The following USH2A variants were observed in gnomAD, a reference collection of about 807,000 sequenced individuals.
USH2A encodes usherin.
In USH2A, 443 loss-of-function variants were observed where a neutral mutation model predicts 538.9. That is an observed-to-expected ratio of 0.82 (90% CI 0.76 to 0.89). USH2A has a LOEUF of 0.89. Ranked by LOEUF, USH2A falls within the 40% of genes least tolerant of loss-of-function variation. USH2A has a pLI of 0.00. For missense variants in USH2A, 6,633 were observed against 6,324.8 expected, an observed-to-expected ratio of 1.05 and a Z score of -1.65; for synonymous variants, 2,413 against 2,273.5, an observed-to-expected ratio of 1.06 and a Z score of -1.75.
At chr1:216,201,782 C>A in intron 16 of USH2A, 2 of 232,436 alleles carry the variant, frequency 8.6e-6, no homozygotes, top group African/African-American at 2.3e-5. Context: ...AGTTCTCTCT[C>A]TGGTGGCTGT....
In USH2A at chr1:216,322,139, C is replaced by T. The variant is rs184096593; in HGVS notation, c.1551-163G>A. 1.0e-3 allele frequency among the ~76,000 whole-genome samples: 154 copies of T among 152,174 alleles called. 1 individual carries two copies. The highest frequency in any genetic ancestry group is 3.6e-3 in the African/African-American group (148 of 41,516). On this transcript the variant is annotated intron_variant, in intron 8 of 71. Coordinates refer to ENST00000307340, the MANE Select transcript of USH2A (RefSeq NM_206933.4). ...CCTTAATCGTGTGGATATCCATACA[C>T]GTTTTTAATTTATCTGGAAATGTCA...
At chr1:216,289,177 T>A in intron 11 of USH2A, 103 bp downstream of exon 11, 1 of 1,551,936 alleles carries the variant, frequency 6.4e-7, no homozygotes, top group Non-Finnish European at 8.9e-7. Flanking sequence ...ACATAGAGGA[T>A]TTCCTGGCAA....
At chr1:216,072,701 G>T in intron 29 of USH2A, 188 bp downstream of exon 29, 1 of 633,200 alleles carries the variant, frequency 1.6e-6, no homozygotes, top group Non-Finnish European at 2.8e-6. Flanking sequence ...GTGAATTCTT[G>T]GTAAATGAAA....
intron 22 of USH2A, among the ~76,000 whole-genome samples, chr1:216,094,978 G>A (rs1174946625): frequency 7.2e-6 from 1 of 139,088 alleles, no homozygotes; most frequent in African/African-American, 3.4e-5. Context: ...GTGTGTGTGT[G>A]TATAGGCATA....
chr1:216,396,881 C>A (rs1170775252), intron 3 of USH2A, among the ~76,000 whole-genome samples: 2 of 152,194 alleles, frequency 1.3e-5, no homozygotes, highest in African/African-American at 2.4e-5. Flanking sequence ...ATTGTATTAT[C>A]TCCGCCAGCT....
chr1:215,743,412 G>GTC, intron 58 of USH2A, 77 bp from the exon 59 acceptor site: 3 of 433,586 alleles, frequency 6.9e-6, no homozygotes, highest in Admixed American at 5.2e-5. Flanking sequence ...GTGTGTGTGT[G>GTC]TGTGTATATA....
At chr1:215,809,031 A>T (rs569568342) in intron 49 of USH2A, among the ~76,000 whole-genome samples, 2 of 152,268 alleles carry the variant, frequency 1.3e-5, no homozygotes, top group Non-Finnish European at 2.9e-5. Flanking sequence ...GGTATCTCTA[A>T]GAAAAAGGGA....
chr1:216,247,519 C>A (rs1381119508), intron 12 of USH2A, among the ~76,000 whole-genome samples: 1 of 152,108 alleles, frequency 6.6e-6, no homozygotes, highest in African/African-American at 2.4e-5. Context: ...CTCTTTTTCT[C>A]TTTAACAAAT....
chr1:216,041,718 C>A (rs918817939), intron 32 of USH2A, among the ~76,000 whole-genome samples: 1 of 151,742 alleles, frequency 6.6e-6, no homozygotes, highest in Non-Finnish European at 1.5e-5. Flanking sequence ...TATTCCTTAC[C>A]CCAATTAAAT....
chr1:216,030,134 CAG>C (rs1669069276), intron 32 of USH2A, among the ~76,000 whole-genome samples: 2 of 138,646 alleles, frequency 1.4e-5, no homozygotes, highest in Non-Finnish European at 3.0e-5. Flanking sequence ...ATATACATAA[CAG>C]ATATATAATA....
Position 216,018,000 on chromosome 1 carries a change from A to AAAT in USH2A, c.6326-17441_6326-17439dup, listed in dbSNP as rs200913822. 9.2e-3 allele frequency among the ~76,000 whole-genome samples: 1,400 copies of AAAT among 152,300 alleles called. 7 individuals carry two copies. Among genetic ancestry groups the AAAT allele is most frequent in the Non-Finnish European group, 0.013 (852 of 68,024 alleles). On this transcript the variant is annotated intron_variant, in intron 32 of 71. Transcript: ENST00000307340. ...TAGTCTCATGCTACCCTTAAGACAC[A>AAAT]AATCAAATGCCACACCCTATAAGAA...
chr1:215,791,363 T>C (rs538319643), intron 50 of USH2A, among the ~76,000 whole-genome samples: 2 of 152,340 alleles, frequency 1.3e-5, no homozygotes, highest in South Asian at 4.1e-4. Context: ...GGGTCCTGAA[T>C]TGTTTAATCT....
chr1:216,206,215 T>C (rs1572049987), intron 16 of USH2A, among the ~76,000 whole-genome samples: 1 of 152,324 alleles, frequency 6.6e-6, no homozygotes, highest in Admixed American at 6.5e-5. Context: ...GATCTATTTA[T>C]TATGTCTTCC....
At chr1:215,997,173 C>G (rs961646666) in intron 34 of USH2A, among the ~76,000 whole-genome samples, 27 of 151,998 alleles carry the variant, frequency 1.8e-4, no homozygotes, top group African/African-American at 6.5e-4. Context: ...AAGTAAAAAC[C>G]CTGTTAGTTG....
At chr1:215,711,259 A>G (rs1208036074) in intron 61 of USH2A, among the ~76,000 whole-genome samples, 1 of 152,206 alleles carries the variant, frequency 6.6e-6, no homozygotes, top group Non-Finnish European at 1.5e-5. Context: ...CATAAGATCA[A>G]GTCAATTTAC....
chr1:215,700,006 T>C (rs1200187653), intron 61 of USH2A, among the ~76,000 whole-genome samples: 1 of 152,212 alleles, frequency 6.6e-6, no homozygotes, highest in Non-Finnish European at 1.5e-5. Flanking sequence ...ATTGAGTGGT[T>C]TTAGCATGAA....
chr1:215,649,999 C>G (rs534704501), intron 65 of USH2A, among the ~76,000 whole-genome samples: 1 of 152,314 alleles, frequency 6.6e-6, no homozygotes, highest in South Asian at 2.1e-4. Context: ...CCTGAGCAAT[C>G]TCTCCTGTCT....
intron 61 of USH2A, among the ~76,000 whole-genome samples, chr1:215,701,506 A>G (rs1367763789): frequency 2.0e-5 from 3 of 152,162 alleles, no homozygotes; most frequent in Non-Finnish European, 4.4e-5. Flanking sequence ...GTGCTCCTGT[A>G]TTGGGTGCAT....
At chr1:216,407,678 T>C (rs2039418210) in intron 3 of USH2A, among the ~76,000 whole-genome samples, 1 of 152,188 alleles carries the variant, frequency 6.6e-6, no homozygotes, top group Non-Finnish European at 1.5e-5. Flanking sequence ...CTGTTCTTCC[T>C]GACGTTAGTG....
Sources: gnomAD v4.1 joint callset for allele counts (sites outside exome capture counted in the v4.1 genomes callset) on GRCh38, gnomAD v4.1.1 for gene constraint, MANE v1.5 for transcripts, NCBI Gene and HGNC (gene_info 2026-07-23, HGNC 2026-07-21) for gene names.